DHRS9: variants seen among roughly 807,000 people sequenced by gnomAD.
The protein encoded by DHRS9 is dehydrogenase/reductase 9, also known as dehydrogenase/reductase SDR family member 9.
Under a neutral mutation model 26.6 loss-of-function variants are expected in DHRS9, and 18 were observed. That is an observed-to-expected ratio of 0.68 (90% CI 0.47 to 1.00). DHRS9 has a LOEUF of 1.00. Among genes scored for constraint, DHRS9 ranks in the 50% least tolerant of loss-of-function variants. The pLI is 0.00. For missense variants in DHRS9, 425 were observed against 378.7 expected (o/e 1.12, Z -1.01); for synonymous variants, 134 against 141.1 (o/e 0.95, Z 0.36).
chr2:169,087,559 T>C (rs1684391433), intron 3 of DHRS9, among the ~76,000 whole-genome samples: 1 of 151,616 alleles, frequency 6.6e-6, no homozygotes, highest in Non-Finnish European at 1.5e-5. Flanking sequence ...GCACAAGGAG[T>C]CTCCCCCTAT....
At chr2:169,069,557 T>C, upstream of DHRS9, 2 of 985,324 alleles carry the variant, frequency 2.0e-6, no homozygotes, top group Non-Finnish European at 2.4e-6. Context: ...TCCTCACACA[T>C]GTAGTACTCA....
chr2:169,070,063 T>C, intron 1 of DHRS9: 2 of 981,620 alleles, frequency 2.0e-6, no homozygotes, highest in East Asian at 2.3e-4. Context: ...GAGGGGGAAG[T>C]CTCCAAAAAG....
chr2:169,095,892 T>G lies in DHRS9; in HGVS notation c.*125T>G. 2.3e-6 allele frequency: 2 copies of G among 870,484 alleles called. No homozygotes were observed. Among genetic ancestry groups the G allele is most frequent in the Non-Finnish European group, 3.6e-6 (2 of 561,366 alleles). The allele number at this position is 870,484 out of a possible 1,614,324, so 53.9% of individuals were successfully genotyped here. On this transcript the variant is annotated 3_prime_UTR_variant, in exon 5 of 5. Coordinates refer to ENST00000674881, the MANE Select transcript of DHRS9 (RefSeq NM_001376924.1). ...TCATTTAGATCGTGCTTATTTGGAT[T>G]GCAAAAGGGAGTCCCACCATCGCTG...
chr2:169,078,840 T>TTTTTTTTTTTTTTTTTTTTTTTTTTGTG (rs1553478929), intron 1 of DHRS9, among the ~76,000 whole-genome samples: 1 of 137,268 alleles, frequency 7.3e-6, no homozygotes, highest in Admixed American at 7.2e-5. Context: ...TTTTTTTTTT[T>TTTTTTTTTTTTTTTTTTTTTTTTTTGTG]TGTGACAGAG....
At chr2:169,074,767 T>A (rs539652447) in intron 1 of DHRS9, among the ~76,000 whole-genome samples, 2 of 40,928 alleles carry the variant, frequency 4.9e-5, no homozygotes, top group Admixed American at 3.7e-4. Context: ...GAACCAGCAT[T>A]TCTGGGCAAT....
chr2:169,092,389 C>T (rs1247961752), intron 4 of DHRS9, among the ~76,000 whole-genome samples: 1 of 152,138 alleles, frequency 6.6e-6, no homozygotes, highest in African/African-American at 2.4e-5. Context: ...ATGGTGGTTA[C>T]AAAAGATGGA....
intron 1 of DHRS9, among the ~76,000 whole-genome samples, chr2:169,078,650 T>C (rs2105285593): frequency 6.6e-6 from 1 of 152,240 alleles, no homozygotes; most frequent in African/African-American, 2.4e-5. Flanking sequence ...TGCAACAAAT[T>C]ATAACTCTTA....
chr2:169,080,606 A>C (rs920075731), intron 1 of DHRS9, among the ~76,000 whole-genome samples: 1 of 152,258 alleles, frequency 6.6e-6, no homozygotes, highest in Non-Finnish European at 1.5e-5. Context: ...CTTCTGAAGA[A>C]AAAGGAAAGA....
At chr2:169,095,305 G>C (rs1005780695) in intron 4 of DHRS9, among the ~76,000 whole-genome samples, 11 of 152,026 alleles carry the variant, frequency 7.2e-5, no homozygotes, top group Non-Finnish European at 8.8e-5. Context: ...GAGAAACCTG[G>C]GTTTTAATGA....
rs575995846 is a variant in DHRS9 at position 169,072,176 on chromosome 2, A to G, written c.-60+2459A>G. ...GCTTTCAGTATTCAGAAAGCCATGC[A>G]AGAGAACTCCAAAAAGAGAATACTT... On this transcript the variant is annotated intron_variant, in intron 1 of 4. Transcript: ENST00000674881. Among the ~76,000 whole-genome samples the G allele has an allele frequency of 5.3e-5, 8 of 152,358 alleles. No individual in the cohort carries two copies. In the South Asian group the frequency reaches 1.7e-3, roughly 32 times the overall value.
At chr2:169,088,372 A>C (rs1684417312) in intron 3 of DHRS9, among the ~76,000 whole-genome samples, 1 of 152,176 alleles carries the variant, frequency 6.6e-6, no homozygotes. Flanking sequence ...TGGTCTATGG[A>C]GGAGGAGTAG....
intron 1 of DHRS9, among the ~76,000 whole-genome samples, chr2:169,079,099 T>G (rs911098033): frequency 6.6e-6 from 1 of 152,028 alleles, no homozygotes; most frequent in African/African-American, 2.4e-5. Flanking sequence ...TGCCCCCCTC[T>G]GCCTCCCAAA....
Position 169,080,575 on chromosome 2 carries a change from G to A in DHRS9, c.-59-948G>A, listed in dbSNP as rs1333684084. ...CCCCATGGTAAGAGTAATATATGCT[G>A]AGGGGAAACGCAGATGCAGGCTTCT... On this transcript the variant is annotated intron_variant, in intron 1 of 4. Coordinates refer to ENST00000674881, the MANE Select transcript of DHRS9 (RefSeq NM_001376924.1). 2.0e-5 allele frequency among the ~76,000 whole-genome samples: 3 copies of A among 152,232 alleles called. No homozygotes were observed. The East Asian group carries it at 5.8e-4, about 29-fold the overall frequency.
Position 169,095,570 on chromosome 2 carries a change from T to A in DHRS9, c.763T>A (p.Ser255Thr). ...KSLDKLKGNKSYVNMDLSPVV... is the reference protein window; with the variant it reads ...KSLDKLKGNKTYVNMDLSPVV... ...TCTAGACAAACTGAAAGGCAATAAA[T>A]CCTATGTGAACATGGACCTCTCTCC... Residue 255 changes from serine (S) to threonine (T), a missense_variant, in exon 5 of 5, where the codon TCC (serine) becomes ACC (threonine). Coordinates refer to ENST00000674881, the MANE Select transcript of DHRS9 (RefSeq NM_001376924.1). 1 of 1,613,780 alleles carries A rather than the reference T, an allele frequency of 6.2e-7. No homozygotes were observed. Among genetic ancestry groups the A allele is most frequent in the African/African-American group, 1.3e-5 (1 of 74,922 alleles).
Position 169,095,716 on chromosome 2 carries a change from CTT to C in DHRS9, c.913_914del (p.Leu305IlefsTer10), listed in dbSNP as rs777053193. 6.2e-7 allele frequency: 1 copy of C among 1,613,912 alleles called. No homozygotes were observed. Among genetic ancestry groups the C allele is most frequent in the South Asian group, 1.1e-5 (1 of 91,076 alleles). ...CTCACATGCCAGCAGCTTTGCAAGA[CTT>C]TTTATTGTTGAAACAGAAAGCAGAG... ...LSHMPAALQD[F>X]LLLKQKAELA... On this transcript the variant is annotated frameshift_variant, in exon 5 of 5. Transcript: ENST00000674881. LOFTEE classifies it high-confidence loss of function.
chr2:169,081,140 G>A lies in DHRS9; in HGVS notation c.-59-383G>A, dbSNP rs962924475. 3.0e-6 allele frequency: 3 copies of A among 1,001,436 alleles called. No individual in the cohort carries two copies. The African/African-American group carries it at 5.2e-5, about 17-fold the overall frequency. The allele number at this position is 1,001,436 out of a possible 1,614,324, so 62.0% of individuals were successfully genotyped here. A position where few individuals can be genotyped will look rare whatever the true frequency, so the allele number is the denominator to read the frequency against. Reference sequence around the variant, plus strand: ...AGCCCATTCTGCAGTGGAATTTCATGAACTAGCAAGAGGTAAGATTTTACT... The same window carrying A: ...AGCCCATTCTGCAGTGGAATTTCATAAACTAGCAAGAGGTAAGATTTTACT... On this transcript the variant is annotated intron_variant, in intron 1 of 4. Transcript: ENST00000674881.
intron 3 of DHRS9, among the ~76,000 whole-genome samples, chr2:169,086,320 CT>C (rs1360588355): frequency 2.0e-5 from 3 of 152,052 alleles, no homozygotes; most frequent in Non-Finnish European, 2.9e-5. Context: ...TCCAGGATTC[CT>C]GCTTGATTCT....
In DHRS9 at chr2:169,083,308, TTTCC is replaced by T. The variant is rs1684247400; in HGVS notation, c.314-15_314-12del. The T allele has an allele frequency of 6.2e-7, 1 of 1,610,590 alleles. No homozygotes were observed. On this transcript the variant is annotated splice_polypyrimidine_tract_variant and intron_variant, in intron 2 of 4. Coordinates refer to ENST00000674881, the MANE Select transcript of DHRS9 (RefSeq NM_001376924.1). The stretch of plus-strand genomic sequence containing the variant: ...ATAAGTACTGTCTTACCACACCTCT[TTTCC>T]TTCCTCTCTGTTCTAGGTCTCTGGG...
rs61995932 is a variant in DHRS9, at chr2:169,081,698, G to A, written c.117G>A (p.Ser39=). The change falls in exon 2 of 5, where the codon TCG becomes TCA. Residue 39 remains serine, a synonymous_variant. Transcript: ENST00000674881. The part of the protein sequence containing the change: ...DKYIFITGCD[S]GFGNLAARTF... ...ACATTTTTATCACTGGATGTGACTC[G>A]GGCTTTGGAAACTTGGCAGCCAGAA... The A allele has an allele frequency of 0.016, 25,172 of 1,614,092 alleles. 231 individuals carry two copies. Among genetic ancestry groups the A allele is most frequent in the Non-Finnish European group, 0.018 (21,615 of 1,180,004 alleles).
Sources: allele counts gnomAD v4.1 joint callset (sites outside exome capture counted in the v4.1 genomes callset), GRCh38; gene constraint gnomAD v4.1.1; transcripts MANE v1.5; gene names NCBI Gene and HGNC (gene_info 2026-07-23, HGNC 2026-07-21).